MECOM: variants seen among roughly 807,000 people sequenced by gnomAD.
MECOM encodes MDS1 and EVI1 complex locus.
Under a neutral mutation model 116.3 loss-of-function variants are expected in MECOM, and 13 were observed. That is an observed-to-expected ratio of 0.11 (90% CI 0.07 to 0.18). The LOEUF (loss-of-function observed/expected upper bound fraction) is 0.18, where lower values mean the gene tolerates loss of function less well. MECOM is among the 10% of genes least tolerant of loss of function. MECOM has a pLI of 1.00. For missense variants in MECOM, 1,299 were observed against 1,509.0 expected, an observed-to-expected ratio of 0.86 and a Z score of 2.31; for synonymous variants, 528 against 535.2, an observed-to-expected ratio of 0.99 and a Z score of 0.19.
Position 169,381,363 on chromosome 3 carries a change from G to A in MECOM, c.199C>T (p.Pro67Ser), listed in dbSNP as rs565742596. ...TPKEGSPYKA[P>S]IYIPDDIPIP... ...GGGATATCATCAGGGATGTAGATGG[G>A]GGCTTTGTAAGGAGAACCCTCCTTT... Residue 67 changes from proline (P) to serine (S), a missense_variant, in exon 2 of 17, where the codon CCC becomes TCC. This residue lies in a region of MECOM where 374 missense variants were observed against 433.4 expected (regional missense o/e 0.86). Transcript: ENST00000651503. 1.2e-6 allele frequency: 2 copies of A among 1,613,852 alleles called. No homozygotes were observed. The highest frequency in any genetic ancestry group is 1.1e-5 in the South Asian group (1 of 91,082).
chr3:169,462,613 T>G (rs1201043113), intron 1 of MECOM, among the ~76,000 whole-genome samples: 1 of 152,182 alleles, frequency 6.6e-6, no homozygotes, highest in East Asian at 1.9e-4. Flanking sequence ...AGACTTGAAA[T>G]TTTTATGCTG....
chr3:169,218,022 A>G (rs894766609), intron 2 of MECOM, among the ~76,000 whole-genome samples: 13 of 151,998 alleles, frequency 8.6e-5, no homozygotes, highest in African/African-American at 3.1e-4. Flanking sequence ...CTATAGTGAA[A>G]TTAATGCTTA....
At chr3:169,610,532 A>AC (rs1769135229) in intron 1 of MECOM, among the ~76,000 whole-genome samples, 1 of 131,464 alleles carries the variant, frequency 7.6e-6, no homozygotes, top group Non-Finnish European at 1.6e-5. Flanking sequence ...TGTGTGTATA[A>AC]TATCCCTATT....
At chr3:169,349,415 G>C (rs372332100) in intron 2 of MECOM, among the ~76,000 whole-genome samples, 1 of 151,824 alleles carries the variant, frequency 6.6e-6, no homozygotes, top group African/African-American at 2.4e-5. Context: ...ACGCTCTAGT[G>C]GGGGGCCCTC....
chr3:169,142,505 C>T (rs1344820018), intron 3 of MECOM, among the ~76,000 whole-genome samples: 1 of 151,896 alleles, frequency 6.6e-6, no homozygotes, highest in East Asian at 1.9e-4. Flanking sequence ...ATTTTCTGTT[C>T]ACAATCAATA....
intron 1 of MECOM, among the ~76,000 whole-genome samples, chr3:169,485,578 CCAACATTTT>C (rs1414944389): frequency 6.6e-6 from 1 of 151,876 alleles, no homozygotes; most frequent in Non-Finnish European, 1.5e-5. Context: ...ATCATCTCAT[CCAACATTTT>C]CACTTTAAAA....
At chr3:169,117,283 A>G (rs1018127421) in intron 7 of MECOM, among the ~76,000 whole-genome samples, 3 of 152,178 alleles carry the variant, frequency 2.0e-5, no homozygotes, top group Non-Finnish European at 4.4e-5. Flanking sequence ...AATTGGTATT[A>G]TATCATATGC....
At chr3:169,300,059 A>G (rs1256261451) in intron 2 of MECOM, among the ~76,000 whole-genome samples, 3 of 152,188 alleles carry the variant, frequency 2.0e-5, no homozygotes, top group Admixed American at 6.5e-5. Flanking sequence ...GCTGTGCTTC[A>G]GAGGTGAGCC....
chr3:169,092,593 A>C (rs1720097415), intron 14 of MECOM, among the ~76,000 whole-genome samples: 1 of 152,018 alleles, frequency 6.6e-6, no homozygotes, highest in Non-Finnish European at 1.5e-5. Flanking sequence ...TTTTGATAAC[A>C]GATTCTATTC....
At chr3:169,204,333 C>G (rs923156377) in intron 2 of MECOM, among the ~76,000 whole-genome samples, 1 of 152,136 alleles carries the variant, frequency 6.6e-6, no homozygotes, top group Non-Finnish European at 1.5e-5. Flanking sequence ...TTCTATGCCC[C>G]TTTTTCATTT....
At chr3:169,220,186 C>T (rs1751955255) in intron 2 of MECOM, among the ~76,000 whole-genome samples, 1 of 151,870 alleles carries the variant, frequency 6.6e-6, no homozygotes, top group Non-Finnish European at 1.5e-5. Flanking sequence ...AAAAATTATC[C>T]AGGCATGGTG....
intron 2 of MECOM, among the ~76,000 whole-genome samples, chr3:169,373,550 C>T (rs570365447): frequency 6.6e-6 from 1 of 151,882 alleles, no homozygotes; most frequent in Non-Finnish European, 1.5e-5. Context: ...TGACGTGGGG[C>T]AGTTTTTTCT....
chr3:169,189,989 G>A (rs1747304130), intron 2 of MECOM, among the ~76,000 whole-genome samples: 1 of 152,026 alleles, frequency 6.6e-6, no homozygotes, highest in Non-Finnish European at 1.5e-5. Context: ...TTATGTGAAT[G>A]TTCCAATTTG....
At chr3:169,298,588 A>G (rs1319578669) in intron 2 of MECOM, among the ~76,000 whole-genome samples, 4 of 152,148 alleles carry the variant, frequency 2.6e-5, no homozygotes, top group African/African-American at 4.8e-5. Context: ...AGGGTACTGT[A>G]ATGATTTGAA....
At chr3:169,595,965 A>C (rs1767079128) in intron 1 of MECOM, among the ~76,000 whole-genome samples, 1 of 152,200 alleles carries the variant, frequency 6.6e-6, no homozygotes, top group Admixed American at 6.5e-5. Flanking sequence ...AGACACTAGC[A>C]CACCAATAAT....
intron 1 of MECOM, among the ~76,000 whole-genome samples, chr3:169,628,087 C>A (rs983378155): frequency 1.3e-5 from 2 of 152,202 alleles, no homozygotes; most frequent in Non-Finnish European, 2.9e-5. Context: ...TAACCAGGGT[C>A]TCTACCAAGA....
chr3:169,585,998 C>T (rs1765730744), intron 1 of MECOM, among the ~76,000 whole-genome samples: 3 of 152,166 alleles, frequency 2.0e-5, no homozygotes, highest in Non-Finnish European at 4.4e-5. Context: ...CTATGCAAGA[C>T]TCTACAACCA....
At chr3:169,490,673 C>T (rs1752973092) in intron 1 of MECOM, among the ~76,000 whole-genome samples, 4 of 152,016 alleles carry the variant, frequency 2.6e-5, no homozygotes, top group South Asian at 2.1e-4. Flanking sequence ...TGTGATGGAA[C>T]ATATACAGTT....
intron 1 of MECOM, among the ~76,000 whole-genome samples, chr3:169,412,751 A>T (rs1737764869): frequency 6.6e-6 from 1 of 152,242 alleles, no homozygotes; most frequent in Non-Finnish European, 1.5e-5. Context: ...ATAATATAAT[A>T]TAACTGAAAC....
Sources: allele counts gnomAD v4.1 joint callset (sites outside exome capture counted in the v4.1 genomes callset), GRCh38; gene constraint gnomAD v4.1.1; regional missense constraint gnomAD v4.1.1; transcripts MANE v1.5; gene names NCBI Gene and HGNC (gene_info 2026-07-23, HGNC 2026-07-21).